The following SATL1 variants were observed in gnomAD, a reference collection of about 807,000 sequenced individuals.
SATL1 encodes the protein spermidine/spermine N(1)-acetyltransferase-like protein 1.
In SATL1, 47 loss-of-function variants were observed where a neutral mutation model predicts 51.8. The observed-to-expected ratio is 0.91, with a 90% CI of 0.72 to 1.16. The LOEUF is 1.16. Among genes scored for constraint, SATL1 ranks in the 50% most tolerant of loss-of-function variants. The pLI, the probability that SATL1 is intolerant of heterozygous loss-of-function variation, is 0.00. For missense variants in SATL1, 520 were observed against 526.4 expected, an observed-to-expected ratio of 0.99 and a Z score of 0.12; for synonymous variants, 176 against 182.4, an observed-to-expected ratio of 0.97 and a Z score of 0.28.
chrX:85,128,410 T>C (rs1439297617), intron 2 of SATL1, among the ~76,000 whole-genome samples: 2 of 112,478 alleles, frequency 1.8e-5, no homozygotes, highest in East Asian at 5.6e-4. Context: ...ATGATGAGCA[T>C]TTTTTCATGT....
In SATL1 at chrX:85,108,696, T is replaced by A; in HGVS notation, c.273A>T (p.Gln91His). 8.3e-7 allele frequency: 1 copy of A among 1,202,590 alleles called. No homozygotes were observed. The highest frequency in any genetic ancestry group is 1.1e-6 in the Non-Finnish European group (1 of 890,429). Residue 91 changes from glutamine to histidine, a missense_variant, in exon 3 of 8, where the codon CAA (glutamine) becomes CAT (histidine). Gln to His is a conservative substitution (Grantham distance 24, BLOSUM62 0). Transcript: ENST00000644105. ...TCAGGACTAGTTGGCTCAGTTCTTG[T>A]TGCAGCATGCCTGGTTGGCTCCTAC... ...QLGRSQPGML[Q>H]QELSQLVLSK...
intron 2 of SATL1, among the ~76,000 whole-genome samples, chrX:85,146,178 C>G (rs112446806): frequency 9.0e-6 from 1 of 111,556 alleles, no homozygotes; most frequent in African/African-American, 3.3e-5. Context: ...GATTACAGGC[C>G]TGAGCCACTG....
At chrX:85,153,740 C>T (rs1345448057) in intron 2 of SATL1, 1 of 111,670 alleles carries the variant, frequency 9.0e-6, no homozygotes, top group South Asian at 3.7e-4. Context: ...TTTCAGAAGT[C>T]AGTGGAAAAA....
intron 2 of SATL1, among the ~76,000 whole-genome samples, chrX:85,197,968 C>A (rs1927609177): frequency 9.1e-6 from 1 of 110,041 alleles, no homozygotes; most frequent in Non-Finnish European, 1.9e-5. Context: ...AAAATCCCCA[C>A]CCCTTGCCCC....
intron 2 of SATL1, chrX:85,207,410 T>C (rs1209112557): frequency 8.9e-6 from 1 of 111,940 alleles, no homozygotes; most frequent in Non-Finnish European, 1.9e-5. Context: ...TACCTTCATA[T>C]CTTCTTGTGC....
chrX:85,154,282 A>C (rs1485471025), intron 2 of SATL1, among the ~76,000 whole-genome samples: 1 of 110,815 alleles, frequency 9.0e-6, no homozygotes, highest in Non-Finnish European at 1.9e-5. Context: ...ACGGCGTACC[A>C]TTACCTCCCA....
rs1190726223 is a variant in SATL1 at position 85,107,620 on chromosome X, A to G, written c.1349T>C (p.Val450Ala). The change falls in exon 3 of 8, where the codon GTC (valine) becomes GCC (alanine). Residue 450 changes from valine to alanine, a missense_variant. Coordinates refer to ENST00000644105, the MANE Select transcript of SATL1 (RefSeq NM_001367857.2). ...TTGTCTCATGCCTAGTTGGCTGGGG[A>G]CTTGCTGGCTCATGCCTGGTTGCCA... Reference protein sequence around the residue: ...GMWQPGMSQQVPSQLGMRQPG... With the variant: ...GMWQPGMSQQAPSQLGMRQPG... The G allele has an allele frequency of 2.2e-5, 26 of 1,208,787 alleles. No individual in the cohort carries two copies. The highest frequency in any genetic ancestry group is 2.9e-5 in the Non-Finnish European group (26 of 894,875).
chrX:85,144,925 T>A (rs1434826892), intron 2 of SATL1, among the ~76,000 whole-genome samples: 1 of 110,584 alleles, frequency 9.0e-6, no homozygotes, highest in Non-Finnish European at 1.9e-5. Context: ...TAATCCCAGG[T>A]ACTTGGGGGG....
intron 2 of SATL1, among the ~76,000 whole-genome samples, chrX:85,115,854 G>A (rs188271397): frequency 4.5e-5 from 5 of 111,397 alleles, no homozygotes; most frequent in African/African-American, 1.6e-4. Context: ...GGCCATTAAT[G>A]TTTCAGTTCT....
At chrX:85,111,846 C>G (rs926743702) in intron 2 of SATL1, among the ~76,000 whole-genome samples, 3 of 111,672 alleles carry the variant, frequency 2.7e-5, no homozygotes, top group African/African-American at 9.8e-5. Flanking sequence ...ATACAATCCC[C>G]TTTTTCTGTA....
chrX:85,148,373 C>T (rs765602992), intron 2 of SATL1, among the ~76,000 whole-genome samples: 1 of 109,641 alleles, frequency 9.1e-6, no homozygotes, highest in South Asian at 4.0e-4. Context: ...AGAATGGAAC[C>T]AAGTTGGAAA....
chrX:85,115,070 C>T (rs1296530546), intron 2 of SATL1, among the ~76,000 whole-genome samples: 2 of 111,327 alleles, frequency 1.8e-5, no homozygotes, highest in African/African-American at 3.3e-5. Flanking sequence ...ATGGAGGCTA[C>T]AGGAGGAAGT....
chrX:85,176,968 C>G (rs996164556), intron 2 of SATL1, among the ~76,000 whole-genome samples: 1 of 111,584 alleles, frequency 9.0e-6, no homozygotes, highest in African/African-American at 3.3e-5. Context: ...CTATGAAGGG[C>G]AGGTCACTTC....
chrX:85,200,231 T>G (rs188131742), intron 2 of SATL1, among the ~76,000 whole-genome samples: 51 of 112,005 alleles, frequency 4.6e-4, no homozygotes, highest in Non-Finnish European at 6.8e-4. Flanking sequence ...AAAGGCTATT[T>G]ACTTGTCTGT....
intron 1 of SATL1, among the ~76,000 whole-genome samples, chrX:85,238,110 G>A (rs1928517626): frequency 9.0e-6 from 1 of 111,402 alleles, no homozygotes; most frequent in Non-Finnish European, 1.9e-5. Context: ...CACTGTTGGT[G>A]GGAATGTAAA....
chrX:85,242,170 C>CAAAATT (rs1928621089), intron 1 of SATL1, among the ~76,000 whole-genome samples: 4 of 112,231 alleles, frequency 3.6e-5, no homozygotes, highest in Non-Finnish European at 5.6e-5. Context: ...CACAGTGTAC[C>CAAAATT]ATTCACAAAG....
intron 2 of SATL1, among the ~76,000 whole-genome samples, chrX:85,147,000 G>A (rs916695408): frequency 2.7e-5 from 3 of 112,713 alleles, no homozygotes; most frequent in African/African-American, 6.4e-5. Flanking sequence ...CCGTGCGAGA[G>A]CCAAAGCAGA....
At chrX:85,107,236 C>A in intron 3 of SATL1, 92 bp downstream of exon 3, 1 of 671,878 alleles carries the variant, frequency 1.5e-6, no homozygotes, top group Admixed American at 2.8e-5. Context: ...ACATAACTAG[C>A]AGAGGCAGAA....
intron 2 of SATL1, among the ~76,000 whole-genome samples, chrX:85,220,773 C>A (rs897419342): frequency 9.6e-6 from 1 of 103,967 alleles, no homozygotes; most frequent in Admixed American, 1.1e-4. Context: ...CTCCTTAATT[C>A]CCTGGGGTGG....
Sources: gnomAD v4.1 joint callset for allele counts (sites outside exome capture counted in the v4.1 genomes callset) on GRCh38, gnomAD v4.1.1 for gene constraint, MANE v1.5 for transcripts, NCBI Gene and HGNC (gene_info 2026-07-23, HGNC 2026-07-21) for gene names.